Variants in ANKS6 observed in about 807,000 individuals in gnomAD.
ANKS6 encodes ankyrin repeat and sterile alpha motif domain containing 6.
A neutral mutation model predicts 77.9 loss-of-function variants in ANKS6; 47 were observed. The ratio of observed to expected loss-of-function variants is 0.60; its 90% CI spans 0.48 to 0.77. The LOEUF (loss-of-function observed/expected upper bound fraction) is 0.77, where lower values mean the gene tolerates loss of function less well. ANKS6 is among the 30% of genes least tolerant of loss of function. The pLI, the probability that ANKS6 is intolerant of heterozygous loss-of-function variation, is 0.00. For synonymous variants in ANKS6, 488 were observed against 501.7 expected, an observed-to-expected ratio of 0.97 and a Z score of 0.37; for missense variants, 1,150 against 1,159.1, an observed-to-expected ratio of 0.99 and a Z score of 0.11.
rs185397295 is a variant in ANKS6, at chr9:98,766,410, C to G, written c.2142+1671G>C. ...TAGAAACAAAATTTTAGACAAGAAA[C>G]ACTATATCAAAGCCTCAAAACAGTA... On this transcript the variant is annotated intron_variant, in intron 11 of 14. Coordinates refer to ENST00000353234, the MANE Select transcript of ANKS6 (RefSeq NM_173551.5). Among the ~76,000 whole-genome samples the G allele has an allele frequency of 5.3e-5, 8 of 152,196 alleles. No homozygotes were observed. In the East Asian group the frequency reaches 1.5e-3, roughly 29 times the overall value.
intron 14 of ANKS6, among the ~76,000 whole-genome samples, chr9:98,740,150 C>G (rs1342315553): frequency 6.6e-6 from 1 of 152,132 alleles, no homozygotes; most frequent in Non-Finnish European, 1.5e-5. Flanking sequence ...TGAGCCCAGA[C>G]TTCAAACTTT....
At chr9:98,785,857 C>T (rs1034587786) in intron 2 of ANKS6, among the ~76,000 whole-genome samples, 1 of 152,186 alleles carries the variant, frequency 6.6e-6, no homozygotes, top group African/African-American at 2.4e-5. Flanking sequence ...TTAGAGTAAG[C>T]TGCCTCTTCA....
chr9:98,762,572 T>C (rs1459283546), intron 11 of ANKS6, among the ~76,000 whole-genome samples: 1 of 152,122 alleles, frequency 6.6e-6, no homozygotes, highest in Admixed American at 6.5e-5. Context: ...ATTCAGGAGG[T>C]TTCCCTCAAT....
chr9:98,796,547 C>T lies in ANKS6; in HGVS notation c.-56G>A. 1.1e-6 allele frequency: 1 copy of T among 950,754 alleles called. No individual in the cohort carries two copies. Among genetic ancestry groups the T allele is most frequent in the South Asian group, 4.7e-5 (1 of 21,250 alleles). The allele number at this position is 950,754 out of a possible 1,614,324, so 58.9% of individuals were successfully genotyped here. ...CGCCCCGCCGGCCGCGTCGGCTCCG[C>T]CCCCGGATACCGCCCGCAGGCGCCC... On this transcript the variant is annotated 5_prime_UTR_variant, in exon 1 of 15. Transcript: ENST00000353234.
intron 11 of ANKS6, among the ~76,000 whole-genome samples, chr9:98,757,531 G>A (rs1465978333): frequency 5.9e-5 from 9 of 152,216 alleles, no homozygotes; most frequent in Admixed American, 2.0e-4. Flanking sequence ...GCATCGTTAT[G>A]CAGAGAGGAC....
intron 12 of ANKS6, 144 bp downstream of exon 12, chr9:98,756,276 G>C: frequency 1.2e-6 from 1 of 868,806 alleles, no homozygotes; most frequent in Non-Finnish European, 1.7e-6. Context: ...TACAATCAGA[G>C]AAGAGGAGGG....
In ANKS6 at chr9:98,776,428, T is replaced by A. The variant is rs145004897; in HGVS notation, c.1617+977A>T. Among the ~76,000 whole-genome samples the A allele has an allele frequency of 5.3e-3, 788 of 149,732 alleles. 6 individuals carry two copies. The highest frequency in any genetic ancestry group is 0.024 in the South Asian group (114 of 4,708). On this transcript the variant is annotated intron_variant, in intron 8 of 14. Transcript: ENST00000353234. ...TTTTTTTTTTTTTTTAAAGACAGAA[T>A]CTTGCTCTGTTGCCCAGGCTGGAGA...
Position 98,734,196 on chromosome 9 carries a change from C to T in ANKS6, c.*2323G>A. 2 of 985,502 alleles carry T rather than the reference C, an allele frequency of 2.0e-6. No individual in the cohort carries two copies. Among genetic ancestry groups the T allele is most frequent in the South Asian group, 9.4e-5 (2 of 21,286 alleles). The allele number at this position is 985,502 out of a possible 1,614,324, so 61.0% of individuals were successfully genotyped here. Reference sequence around the variant, plus strand: ...ACACAAACTTCCTAGGATGAAAAGCCTTGGACACTTGAGTCCAGTGAAAAA... The same window carrying T: ...ACACAAACTTCCTAGGATGAAAAGCTTTGGACACTTGAGTCCAGTGAAAAA... On this transcript the variant is annotated 3_prime_UTR_variant, in exon 15 of 15. Transcript: ENST00000353234.
Position 98,735,892 on chromosome 9 carries a change from AG to A in ANKS6, c.*626del. 1 of 1,231,874 alleles carries A rather than the reference AG, an allele frequency of 8.1e-7. No homozygotes were observed. The highest frequency in any genetic ancestry group is 1.0e-6 in the Non-Finnish European group (1 of 988,502). The allele number at this position is 1,231,874 out of a possible 1,614,324, so 76.3% of individuals were successfully genotyped here. A position where few individuals can be genotyped will look rare whatever the true frequency, so the allele number is the denominator to read the frequency against. On this transcript the variant is annotated 3_prime_UTR_variant, in exon 15 of 15. Transcript: ENST00000353234. The stretch of plus-strand genomic sequence containing the variant: ...AGCACTAAGGGACCCAGTGGCTGAA[AG>A]GGGGTCAAAAAAGACTTCATCTGAG...
chr9:98,787,726 C>T (rs1380889189), intron 2 of ANKS6, among the ~76,000 whole-genome samples: 1 of 152,182 alleles, frequency 6.6e-6, no homozygotes, highest in Non-Finnish European at 1.5e-5. Flanking sequence ...TTTATTATGA[C>T]TATCTTATGA....
intron 12 of ANKS6, among the ~76,000 whole-genome samples, chr9:98,756,105 A>AGC (rs1306943404): frequency 2.0e-5 from 3 of 152,164 alleles, no homozygotes; most frequent in Admixed American, 6.5e-5. Context: ...CTCACAACTG[A>AGC]AAGAATCCTG....
Position 98,734,786 on chromosome 9 carries a change from A to C in ANKS6, c.*1733T>G, listed in dbSNP as rs1831401574. On this transcript the variant is annotated 3_prime_UTR_variant, in exon 15 of 15. Coordinates refer to ENST00000353234, the MANE Select transcript of ANKS6 (RefSeq NM_173551.5). ...AGCTGCCAGCACATAGTAGGGGATG[A>C]ATGAGTGTGTCTCCTTAAAAAGGCT... 1 of 984,950 alleles carries C rather than the reference A, an allele frequency of 1.0e-6. No homozygotes were observed. The highest frequency in any genetic ancestry group is 1.2e-6 in the Non-Finnish European group (1 of 829,606). The allele number at this position is 984,950 out of a possible 1,614,324, so 61.0% of individuals were successfully genotyped here. A position where few individuals can be genotyped will look rare whatever the true frequency, so the allele number is the denominator to read the frequency against.
rs1415131711 is a variant in ANKS6, at chr9:98,780,211, G to A, written c.1346C>T (p.Pro449Leu). 1.9e-6 allele frequency: 3 copies of A among 1,614,058 alleles called. No homozygotes were observed. Among genetic ancestry groups the A allele is most frequent in the Non-Finnish European group, 2.5e-6 (3 of 1,180,034 alleles). ...AACCTTCAGTCCACCCTTGTCATCG[G>A]GCAGCACTGGGATGCTCCAGGGCTG... is the stretch of plus-strand genomic sequence containing the variant. ...VRQPWSIPVL[P>L]DDKGGLKSWW... Residue 449 changes from proline to leucine, a missense_variant, in exon 6 of 15, where the codon CCC (proline) becomes CTC (leucine). Transcript: ENST00000353234.
intron 7 of ANKS6, 132 bp downstream of exon 7, chr9:98,778,094 A>G: frequency 3.7e-6 from 4 of 1,074,120 alleles, no homozygotes; most frequent in Non-Finnish European, 2.6e-6. Context: ...CCACCAGACC[A>G]GCCTCTATGC....
At chr9:98,790,074 T>C in intron 2 of ANKS6, 30 bp downstream of exon 2, 2 of 1,527,684 alleles carry the variant, frequency 1.3e-6, no homozygotes, top group South Asian at 2.5e-5. Flanking sequence ...TGGGGTCCTC[T>C]GTGAAGCCAC....
rs1177911762 is a variant in ANKS6, at chr9:98,745,636, A to G, written c.2434T>C (p.Leu812=). ...TCTGTCTTAATTCCCAGCTCCTTCAAGTCACCGTCAGTCAGTGTGAGGAAC... is the reference window on the plus strand; with the variant it reads ...TCTGTCTTAATTCCCAGCTCCTTCAGGTCACCGTCAGTCAGTGTGAGGAAC... ...EAFLTLTDGD[L]KELGIKTDGS... is the part of the protein sequence containing the mutation. Residue 812 remains leucine, a synonymous_variant, in exon 14 of 15, where the codon TTG becomes CTG. Transcript: ENST00000353234. 1 of 1,614,172 alleles carries G rather than the reference A, an allele frequency of 6.2e-7. No individual in the cohort carries two copies. Among genetic ancestry groups the G allele is most frequent in the Non-Finnish European group, 8.5e-7 (1 of 1,180,030 alleles).
rs1406258814 is a variant in ANKS6, at chr9:98,758,487, C to G, written c.2143-1884G>C. ...TTATTAGAGAATGGTATTTAGAAAC[C>G]AAAATCTGGGTACTAGGTTGCTCAC... On this transcript the variant is annotated intron_variant, in intron 11 of 14. Coordinates refer to ENST00000353234, the MANE Select transcript of ANKS6 (RefSeq NM_173551.5). Among the ~76,000 whole-genome samples, 4 of 152,160 alleles carry G rather than the reference C, an allele frequency of 2.6e-5. No individual in the cohort carries two copies. The South Asian group carries it at 8.3e-4, about 32-fold the overall frequency.
At chr9:98,784,330 CTCAG>C (rs1259003206) in intron 3 of ANKS6, 173 bp from the exon 4 acceptor site, 1 of 555,584 alleles carries the variant, frequency 1.8e-6, no homozygotes, top group African/African-American at 1.9e-5. Flanking sequence ...TCTTAAATGC[CTCAG>C]TCTAGGCGAG....
intron 9 of ANKS6, among the ~76,000 whole-genome samples, chr9:98,772,326 A>C (rs1833686495): frequency 6.6e-6 from 1 of 152,230 alleles, no homozygotes; most frequent in Admixed American, 6.5e-5. Context: ...TGCAGCCACA[A>C]GCCAAGCGAA....
Sources: allele counts gnomAD v4.1 joint callset (sites outside exome capture counted in the v4.1 genomes callset), GRCh38; gene constraint gnomAD v4.1.1; transcripts MANE v1.5; gene names NCBI Gene and HGNC (gene_info 2026-07-23, HGNC 2026-07-21).